Variants in HS6ST3 observed in about 807,000 individuals in gnomAD.
The protein encoded by HS6ST3 is heparan sulfate 6-O-sulfotransferase 3.
HS6ST3 carries 12 observed loss-of-function variants against 36.7 expected under a neutral mutation model. The observed-to-expected ratio is 0.33, with a 90% CI of 0.21 to 0.53. The LOEUF is 0.53. HS6ST3 is among the 20% of genes least tolerant of loss of function. The pLI, the probability that HS6ST3 is intolerant of heterozygous loss-of-function variation, is 0.95. For synonymous variants in HS6ST3, 240 were observed against 257.5 expected (o/e 0.93, Z 0.65); for missense variants, 584 against 640.9 (o/e 0.91, Z 0.96).
At chr13:96,530,016 A>T (rs1177521464) in intron 1 of HS6ST3, among the ~76,000 whole-genome samples, 3 of 152,220 alleles carry the variant, frequency 2.0e-5, no homozygotes, top group African/African-American at 7.2e-5. Flanking sequence ...CTGATCTTCA[A>T]GTTCTATGAT....
chr13:96,638,143 A>G (rs534027045), intron 1 of HS6ST3, among the ~76,000 whole-genome samples: 1 of 152,102 alleles, frequency 6.6e-6, no homozygotes, highest in South Asian at 2.1e-4. Flanking sequence ...CAGGCAAAGC[A>G]TGATGAGTTG....
chr13:96,654,047 A>G (rs1271042135), intron 1 of HS6ST3, among the ~76,000 whole-genome samples: 1 of 152,116 alleles, frequency 6.6e-6, no homozygotes, highest in African/African-American at 2.4e-5. Flanking sequence ...CCACTTTTTA[A>G]TGGGGTTGTT....
chr13:96,692,073 G>A (rs1874978903), intron 1 of HS6ST3, among the ~76,000 whole-genome samples: 1 of 152,080 alleles, frequency 6.6e-6, no homozygotes, highest in East Asian at 1.9e-4. Context: ...ATTGAAGATT[G>A]ATCGTTTGGT....
At chr13:96,303,630 A>G (rs914785827) in intron 1 of HS6ST3, among the ~76,000 whole-genome samples, 7 of 152,200 alleles carry the variant, frequency 4.6e-5, no homozygotes, top group Non-Finnish European at 1.0e-4. Context: ...AAAGGAACAC[A>G]GGCCTGTATG....
In HS6ST3 at chr13:96,297,028, A is replaced by G. The variant is rs9582042; in HGVS notation, c.707+205459A>G. 9.4e-3 allele frequency among the ~76,000 whole-genome samples: 1,423 copies of G among 152,044 alleles called. 13 individuals carry two copies. Among genetic ancestry groups the G allele is most frequent in the African/African-American group, 0.032 (1,328 of 41,482 alleles). ...AAATGCATGTTTGATCATGTCCCAA[A>G]CCAATTAAAACCCTTCTGTTAGATT... On this transcript the variant is annotated intron_variant, in intron 1 of 1. Coordinates refer to ENST00000376705, the MANE Select transcript of HS6ST3 (RefSeq NM_153456.4).
At chr13:96,309,387 A>G (rs1007724298) in intron 1 of HS6ST3, among the ~76,000 whole-genome samples, 1 of 152,190 alleles carries the variant, frequency 6.6e-6, no homozygotes, top group African/African-American at 2.4e-5. Flanking sequence ...AAAAATTTAA[A>G]TGTAACATTT....
chr13:96,191,830 A>T (rs1016875362), intron 1 of HS6ST3, among the ~76,000 whole-genome samples: 1 of 152,224 alleles, frequency 6.6e-6, no homozygotes, highest in Non-Finnish European at 1.5e-5. Flanking sequence ...AGTGCTTTGT[A>T]AATAAAATAT....
chr13:96,683,033 G>A (rs1347454242), intron 1 of HS6ST3, among the ~76,000 whole-genome samples: 4 of 152,108 alleles, frequency 2.6e-5, no homozygotes, highest in Non-Finnish European at 4.4e-5. Context: ...TTTGTTTGAT[G>A]CAACAGAGTT....
At chr13:96,498,201 A>G (rs1276183521) in intron 1 of HS6ST3, among the ~76,000 whole-genome samples, 10 of 152,184 alleles carry the variant, frequency 6.6e-5, no homozygotes, top group Admixed American at 6.5e-4. Context: ...GAGTTCATTT[A>G]ATGGTAACCC....
At chr13:96,145,988 G>C (rs920366396) in intron 1 of HS6ST3, among the ~76,000 whole-genome samples, 2 of 151,972 alleles carry the variant, frequency 1.3e-5, no homozygotes, top group African/African-American at 4.8e-5. Flanking sequence ...ATTTCTGAGG[G>C]CTCTGTTCTG....
At chr13:96,769,734 C>G (rs1227307497) in intron 1 of HS6ST3, among the ~76,000 whole-genome samples, 1 of 140,216 alleles carries the variant, frequency 7.1e-6, no homozygotes, top group African/African-American at 2.8e-5. Context: ...ATTCCTAGCT[C>G]TGTGTGTGTG....
chr13:96,646,253 A>G (rs985520313), intron 1 of HS6ST3, among the ~76,000 whole-genome samples: 2 of 151,976 alleles, frequency 1.3e-5, no homozygotes, highest in Non-Finnish European at 2.9e-5. Flanking sequence ...GTGTCTTTCC[A>G]TGATGAATGC....
At chr13:96,581,662 T>A (rs1364855069) in intron 1 of HS6ST3, among the ~76,000 whole-genome samples, 2 of 152,196 alleles carry the variant, frequency 1.3e-5, no homozygotes, top group Non-Finnish European at 2.9e-5. Flanking sequence ...GTATGCATGT[T>A]AGCTTTCAAA....
chr13:96,255,355 A>G (rs2054631846), intron 1 of HS6ST3, among the ~76,000 whole-genome samples: 1 of 152,220 alleles, frequency 6.6e-6, no homozygotes, highest in African/African-American at 2.4e-5. Context: ...TCAAGAAGAG[A>G]CAATCCCACA....
chr13:96,184,740 C>A (rs2054257537), intron 1 of HS6ST3, among the ~76,000 whole-genome samples: 2 of 152,040 alleles, frequency 1.3e-5, no homozygotes, highest in Non-Finnish European at 1.5e-5. Context: ...CCTCCCTGCC[C>A]CCACCCCAGC....
chr13:96,502,010 G>C (rs1360227457), intron 1 of HS6ST3, among the ~76,000 whole-genome samples: 1 of 152,120 alleles, frequency 6.6e-6, no homozygotes, highest in Non-Finnish European at 1.5e-5. Flanking sequence ...CCAAACATAT[G>C]GGCCATAAAT....
intron 1 of HS6ST3, among the ~76,000 whole-genome samples, chr13:96,668,112 C>T (rs1263104586): frequency 6.6e-6 from 1 of 151,892 alleles, no homozygotes; most frequent in African/African-American, 2.4e-5. Flanking sequence ...GTTATAATGC[C>T]CATTTTGCAG....
At chr13:96,553,965 T>G (rs2056229787) in intron 1 of HS6ST3, among the ~76,000 whole-genome samples, 1 of 152,154 alleles carries the variant, frequency 6.6e-6, no homozygotes. Context: ...TAAATCGCAT[T>G]AGGGAGGTCT....
rs149869557 is a variant in HS6ST3, at chr13:96,561,246, C to T, written c.708-271244C>T. ...AATAAAGCTACACACCCACAGCCAT[C>T]TGATCTTCGGTAAAGTCCACAAAAT... On this transcript the variant is annotated intron_variant, in intron 1 of 1. Transcript: ENST00000376705. Among the ~76,000 whole-genome samples, 827 of 152,258 alleles carry T rather than the reference C, an allele frequency of 5.4e-3. 5 individuals are homozygous for T. Among genetic ancestry groups the T allele is most frequent in the Non-Finnish European group, 8.8e-3 (596 of 68,024 alleles).
Sources: gnomAD v4.1 joint callset for allele counts (sites outside exome capture counted in the v4.1 genomes callset) on GRCh38, gnomAD v4.1.1 for gene constraint, MANE v1.5 for transcripts, NCBI Gene and HGNC (gene_info 2026-07-23, HGNC 2026-07-21) for gene names.